RSPH9: variants seen among roughly 807,000 people sequenced by gnomAD.
RSPH9 encodes radial spoke head component 9.
Under a neutral mutation model 27.0 loss-of-function variants are expected in RSPH9, and 27 were observed. The ratio of observed to expected loss-of-function variants is 1.00; its 90% CI spans 0.74 to 1.38. The LOEUF is 1.38. Among genes scored for constraint, RSPH9 ranks in the 40% most tolerant of loss-of-function variants. The probability of loss-of-function intolerance (pLI) is 0.00; values close to 1 mark genes in which losing one functional copy is unlikely to be tolerated. For synonymous variants in RSPH9, 145 were observed against 147.7 expected, an observed-to-expected ratio of 0.98 and a Z score of 0.13; for missense variants, 347 against 357.4, an observed-to-expected ratio of 0.97 and a Z score of 0.24.
At chr6:43,666,324 C>T in intron 4 of RSPH9, 1 of 982,918 alleles carries the variant, frequency 1.0e-6, no homozygotes, top group South Asian at 1.5e-5. Context: ...TAATTGGGGC[C>T]AAAATCCCAA....
intron 2 of RSPH9, among the ~76,000 whole-genome samples, chr6:43,652,890 C>T (rs1335552569): frequency 6.6e-6 from 1 of 152,146 alleles, no homozygotes; most frequent in African/African-American, 2.4e-5. Context: ...ACGATCTTGG[C>T]TCACTGCAGC....
At chr6:43,645,695 G>A (rs958162597) in intron 1 of RSPH9, among the ~76,000 whole-genome samples, 2 of 152,252 alleles carry the variant, frequency 1.3e-5, no homozygotes, top group African/African-American at 2.4e-5. Flanking sequence ...CAAGAACGCA[G>A]GTGAAGCAGT....
At chr6:43,650,180 C>T (rs1179104630) in intron 1 of RSPH9, among the ~76,000 whole-genome samples, 195 bp from the exon 2 acceptor site, 1 of 152,188 alleles carries the variant, frequency 6.6e-6, no homozygotes, top group Non-Finnish European at 1.5e-5. Flanking sequence ...TCCCAAAGTG[C>T]TGGGATTACA....
At chr6:43,666,814 C>A (rs1773178728) in intron 4 of RSPH9, among the ~76,000 whole-genome samples, 1 of 152,188 alleles carries the variant, frequency 6.6e-6, no homozygotes, top group Non-Finnish European at 1.5e-5. Context: ...TCGCTGGAAC[C>A]TCAGCTCATT....
chr6:43,659,327 A>G (rs748352947), intron 4 of RSPH9, among the ~76,000 whole-genome samples: 3 of 150,808 alleles, frequency 2.0e-5, no homozygotes, highest in Non-Finnish European at 2.9e-5. Flanking sequence ...GGTTCAAGCA[A>G]TTATCCTGCC....
In RSPH9 at chr6:43,656,660, G is replaced by C. The variant is rs548415324; in HGVS notation, c.607G>C (p.Glu203Gln). The change falls in exon 4 of 5, where the codon GAG becomes CAG. Residue 203 changes from glutamate to glutamine, a missense_variant. Coordinates refer to ENST00000372163, the MANE Select transcript of RSPH9 (RefSeq NM_152732.5). Reference protein sequence around the residue: ...PVELKNKTLLEKADLDPSLDF... With the variant: ...PVELKNKTLLQKADLDPSLDF... The stretch of plus-strand genomic sequence containing the variant: ...TGAGCTAAAGAATAAGACCTTGCTT[G>C]AGAAGGCTGACCTGGACCCCTCCCT... 6.8e-6 allele frequency: 11 copies of C among 1,614,222 alleles called. No individual in the cohort carries two copies. The South Asian group carries it at 1.2e-4, about 18-fold the overall frequency.
chr6:43,660,960 A>C (rs1440583283), intron 4 of RSPH9, among the ~76,000 whole-genome samples: 1 of 152,228 alleles, frequency 6.6e-6, no homozygotes, highest in East Asian at 1.9e-4. Context: ...GTTAGCAGGC[A>C]GGAAAACAAC....
intron 4 of RSPH9, among the ~76,000 whole-genome samples, chr6:43,661,660 CAAAAAA>C (rs758308013): frequency 1.1e-5 from 1 of 90,816 alleles, no homozygotes; most frequent in African/African-American, 4.3e-5. Context: ...GACTCTGTCT[CAAAAAA>C]AAAAAAAAAA....
rs752246153 is a variant in RSPH9, at chr6:43,645,239, G to A, written c.141G>A (p.Trp47Ter). 1 of 1,614,072 alleles carries A rather than the reference G, an allele frequency of 6.2e-7. No homozygotes were observed. The highest frequency in any genetic ancestry group is 1.7e-5 in the Admixed American group (1 of 60,034). ...ACCGCTATGATCGGGTTCTCTTCTG[G>A]GGCCGCATCCTTGGCCTCGTCGCCG... ...RDYRYDRVLF[W>*]GRILGLVADY... The change falls in exon 1 of 5, where the codon TGG becomes TGA. Residue 47 changes from tryptophan (W) to a stop codon, truncating the protein, a stop_gained. Transcript: ENST00000372163. LOFTEE classifies it high-confidence loss of function.
At chr6:43,663,485 C>T (rs1772832853) in intron 4 of RSPH9, among the ~76,000 whole-genome samples, 1 of 152,106 alleles carries the variant, frequency 6.6e-6, no homozygotes, top group Non-Finnish European at 1.5e-5. Context: ...TCCCAGAGTA[C>T]TGGGATTGCA....
Position 43,655,663 on chromosome 6 carries a change from A to G in RSPH9, c.495A>G (p.Gly165=), listed in dbSNP as rs1271030977. The G allele has an allele frequency of 6.2e-7, 1 of 1,614,070 alleles. No homozygotes were observed. The highest frequency in any genetic ancestry group is 1.1e-5 in the South Asian group (1 of 91,072). Residue 165 remains glycine, a synonymous_variant, in exon 3 of 5, where the codon GGA becomes GGG. Coordinates refer to ENST00000372163, the MANE Select transcript of RSPH9 (RefSeq NM_152732.5). The part of the protein sequence containing the change: ...PRGALFKTPF[G]PTHVNRTFEG... Reference sequence around the variant, plus strand: ...GCGCCCTCTTCAAGACCCCTTTTGGACCCACCCATGTCAATCGGACCTTTG... The same window carrying G: ...GCGCCCTCTTCAAGACCCCTTTTGGGCCCACCCATGTCAATCGGACCTTTG...
intron 2 of RSPH9, among the ~76,000 whole-genome samples, chr6:43,651,069 G>A (rs898731384): frequency 1.3e-5 from 2 of 151,632 alleles, no homozygotes; most frequent in Non-Finnish European, 2.9e-5. Flanking sequence ...AGCTAGGAGT[G>A]CAGGCATGAG....
At chr6:43,666,344 C>T (rs990462643) in intron 4 of RSPH9, 5 of 1,152,744 alleles carry the variant, frequency 4.3e-6, no homozygotes, top group Non-Finnish European at 6.3e-6. Flanking sequence ...AGGAAGAGTT[C>T]CCTGGGACAC....
chr6:43,657,679 C>A (rs966124872), intron 4 of RSPH9, among the ~76,000 whole-genome samples: 3 of 152,316 alleles, frequency 2.0e-5, no homozygotes, highest in East Asian at 1.9e-4. Context: ...ATGACAAGGG[C>A]TGTGGAATCA....
Position 43,652,456 on chromosome 6 carries a change from C to G in RSPH9, c.393+1916C>G, listed in dbSNP as rs1473612370. 3.4e-5 allele frequency among the ~76,000 whole-genome samples: 5 copies of G among 146,386 alleles called. No individual in the cohort carries two copies. In the Admixed American group the frequency reaches 3.4e-4, roughly 10 times the overall value. On this transcript the variant is annotated intron_variant, in intron 2 of 4. Transcript: ENST00000372163. ...TTTTTTTTTTTTTGAGATGGAGTCTCGCTGTCACACCCAGGCTGGAGTACA... is the reference window on the plus strand; with the variant it reads ...TTTTTTTTTTTTTGAGATGGAGTCTGGCTGTCACACCCAGGCTGGAGTACA...
In RSPH9 at chr6:43,671,934, G is replaced by T; in HGVS notation, c.*985G>T. ...GTGGAGGGAGAACAAAGAGGTGCCT[G>T]TGAGGGCTGGGGGCCCAAGCTGGAC... On this transcript the variant is annotated 3_prime_UTR_variant, in exon 5 of 5. Coordinates refer to ENST00000372163, the MANE Select transcript of RSPH9 (RefSeq NM_152732.5). 1 of 1,563,356 alleles carries T rather than the reference G, an allele frequency of 6.4e-7. No individual in the cohort carries two copies.
At chr6:43,669,569 T>C (rs1280218841) in intron 4 of RSPH9, among the ~76,000 whole-genome samples, 1 of 152,232 alleles carries the variant, frequency 6.6e-6, no homozygotes, top group Non-Finnish European at 1.5e-5. Context: ...AGCTGGCAGC[T>C]GATGAAGGCC....
chr6:43,661,285 G>A (rs1772581543), intron 4 of RSPH9, among the ~76,000 whole-genome samples: 1 of 152,302 alleles, frequency 6.6e-6, no homozygotes, highest in East Asian at 1.9e-4. Flanking sequence ...AAAGTCACCA[G>A]CTGTATGAGC....
chr6:43,659,103 C>T lies in RSPH9; in HGVS notation c.670+2380C>T, dbSNP rs570570802. Among the ~76,000 whole-genome samples the T allele has an allele frequency of 3.3e-5, 5 of 152,340 alleles. No individual in the cohort carries two copies. In the South Asian group the frequency reaches 1.0e-3, roughly 32 times the overall value. The stretch of plus-strand genomic sequence containing the variant: ...CTTTGCTCATCTGTAAGAAGCAACC[C>T]CTCATCCATTCAAGTTTTATCATGA... On this transcript the variant is annotated intron_variant, in intron 4 of 4. Coordinates refer to ENST00000372163, the MANE Select transcript of RSPH9 (RefSeq NM_152732.5).
Sources: gnomAD v4.1 joint callset for allele counts (sites outside exome capture counted in the v4.1 genomes callset) on GRCh38, gnomAD v4.1.1 for gene constraint, MANE v1.5 for transcripts, NCBI Gene and HGNC (gene_info 2026-07-23, HGNC 2026-07-21) for gene names.